ISM1: variants seen among roughly 807,000 people sequenced by gnomAD.
The protein encoded by ISM1 is isthmin-1.
Under a neutral mutation model 46.3 loss-of-function variants are expected in ISM1, and 25 were observed. The observed-to-expected ratio is 0.54, with a 90% CI of 0.39 to 0.75. The LOEUF is 0.75. Ranked by LOEUF, ISM1 falls within the 30% of genes least tolerant of loss-of-function variation. ISM1 has a pLI of 0.00. For synonymous variants in ISM1, 255 were observed against 256.7 expected (o/e 0.99, Z 0.06); for missense variants, 536 against 625.4 (o/e 0.86, Z 1.52).
chr20:13,248,770 C>A (rs1200208526), intron 1 of ISM1, among the ~76,000 whole-genome samples: 1 of 152,194 alleles, frequency 6.6e-6, no homozygotes, highest in Non-Finnish European at 1.5e-5. Flanking sequence ...CAGATGTTTC[C>A]CTGTTCTGCA....
intron 3 of ISM1, among the ~76,000 whole-genome samples, chr20:13,287,743 G>T (rs778197795): frequency 1.3e-5 from 2 of 152,196 alleles, no homozygotes; most frequent in Non-Finnish European, 2.9e-5. Flanking sequence ...TTCACTGGAT[G>T]GATGTTGAAT....
intron 1 of ISM1, among the ~76,000 whole-genome samples, chr20:13,258,518 C>T (rs1380314527): frequency 6.6e-6 from 1 of 152,184 alleles, no homozygotes; most frequent in Non-Finnish European, 1.5e-5. Context: ...CAGACTCAAA[C>T]TGATACATCC....
chr20:13,318,136 A>AAAAATAAATAAATAAATAAAT, the ISM1 span, among the ~76,000 whole-genome samples: 1 of 145,038 alleles, frequency 6.9e-6, no homozygotes, highest in African/African-American at 2.5e-5. Context: ...GACACTTGAA[A>AAAAATAAATAAATAAATAAAT]AAATAAATAA....
chr20:13,224,234 T>C (rs2039487229), intron 1 of ISM1, among the ~76,000 whole-genome samples: 1 of 152,192 alleles, frequency 6.6e-6, no homozygotes, highest in African/African-American at 2.4e-5. Flanking sequence ...GTTCATAATT[T>C]TGCTGTTTTG....
intron 1 of ISM1, among the ~76,000 whole-genome samples, chr20:13,268,118 T>TCTCTTCTCTTCTCTC (rs1407716823): frequency 2.7e-5 from 3 of 110,052 alleles, no homozygotes; most frequent in African/African-American, 1.1e-4. Context: ...TCTCCTGTCT[T>TCTCTTCTCTTCTCTC]CTCTTCTCTT....
intron 1 of ISM1, among the ~76,000 whole-genome samples, chr20:13,224,768 T>C (rs1313411132): frequency 1.3e-5 from 2 of 151,962 alleles, no homozygotes; most frequent in African/African-American, 2.4e-5. Flanking sequence ...GCAACAATAA[T>C]AGTTAAGATT....
At position 13,221,878 on chromosome 20, in the gene ISM1, C is replaced by G. The variant is rs1348061075; in HGVS notation, c.102C>G (p.Asp34Glu). The part of the protein sequence containing the change: ...LRGSGAADGP[D>E]AAAGNASQAQ... ...GCTCGGGAGCCGCCGACGGGCCCGA[C>G]GCGGCCGCGGGCAACGCCAGCCAAG... Residue 34 changes from aspartate (D) to glutamate (E), a missense_variant, in exon 1 of 6, where the codon GAC (aspartate) becomes GAG (glutamate). Asp to Glu is a conservative substitution (Grantham distance 45, BLOSUM62 2). This residue lies in a region of ISM1 where 367 missense variants were observed against 376.1 expected (regional missense o/e 0.98). Coordinates refer to ENST00000262487, the MANE Select transcript of ISM1 (RefSeq NM_080826.2). 5.7e-6 allele frequency: 8 copies of G among 1,410,192 alleles called. No individual in the cohort carries two copies. The highest frequency in any genetic ancestry group is 1.5e-5 in the African/African-American group (1 of 66,724). 87.4% of individuals were successfully genotyped at this position (1,410,192 alleles called of 1,614,324 possible). A position where few individuals can be genotyped will look rare whatever the true frequency, so the allele number is the denominator to read the frequency against.
chr20:13,279,963 T>C, intron 3 of ISM1, 65 bp downstream of exon 3: 2 of 1,482,300 alleles, frequency 1.3e-6, no homozygotes. Context: ...GCCTTGGACA[T>C]GGAGCCAAGC....
At chr20:13,280,727 G>A (rs1282453780) in intron 3 of ISM1, among the ~76,000 whole-genome samples, 1 of 152,204 alleles carries the variant, frequency 6.6e-6, no homozygotes, top group Non-Finnish European at 1.5e-5. Context: ...CAGATCTACT[G>A]AAATTCTGTT....
chr20:13,312,614 C>T, the ISM1 span, among the ~76,000 whole-genome samples: 1 of 152,314 alleles, frequency 6.6e-6, no homozygotes, highest in South Asian at 2.1e-4. Context: ...ACCTTCCACT[C>T]TCTCCTGCTC....
the ISM1 span, among the ~76,000 whole-genome samples, chr20:13,310,287 C>T: frequency 1.3e-5 from 2 of 152,158 alleles, no homozygotes; most frequent in Non-Finnish European, 2.9e-5. Context: ...TTGTGGTCAA[C>T]TGATCTTTGA....
chr20:13,263,700 GGAAGGCGCACAGCCATGT>G lies in ISM1; in HGVS notation c.139-6802_139-6785del, dbSNP rs2040013650. Among the ~76,000 whole-genome samples the G allele has an allele frequency of 2.0e-5, 3 of 152,328 alleles. No individual in the cohort carries two copies. In the South Asian group the frequency reaches 6.2e-4, roughly 32 times the overall value. ...AGAAGAAAATGGAGTGTTTGAATGT[GGAAGGCGCACAGCCATGT>G]GCCTGGGTGCAGTATGGCTTCCTTT... On this transcript the variant is annotated intron_variant, in intron 1 of 5. Coordinates refer to ENST00000262487, the MANE Select transcript of ISM1 (RefSeq NM_080826.2).
At chr20:13,258,404 A>G (rs1412652837) in intron 1 of ISM1, among the ~76,000 whole-genome samples, 1 of 152,044 alleles carries the variant, frequency 6.6e-6, no homozygotes. Flanking sequence ...TGGATACTAG[A>G]GCATCCTTGG....
intron 5 of ISM1, among the ~76,000 whole-genome samples, chr20:13,297,970 C>G (rs2040422701): frequency 1.3e-5 from 2 of 152,202 alleles, no homozygotes; most frequent in South Asian, 4.2e-4. Context: ...GGTTACATGC[C>G]TAAGGTTAAG....
chr20:13,295,949 C>T (rs535843804), intron 5 of ISM1, among the ~76,000 whole-genome samples: 29 of 152,372 alleles, frequency 1.9e-4, no homozygotes, highest in South Asian at 8.3e-4. Flanking sequence ...GGCTGTCACA[C>T]GGCCCTGACA....
Position 13,266,426 on chromosome 20 carries a change from G to A in ISM1, c.139-4078G>A, listed in dbSNP as rs186904590. Among the ~76,000 whole-genome samples the A allele has an allele frequency of 2.5e-3, 379 of 152,264 alleles. 3 individuals carry two copies. Among genetic ancestry groups the A allele is most frequent in the South Asian group, 6.6e-3 (32 of 4,816 alleles). ...ATGGAAGAGTTCATGTGCATAAGCC[G>A]TTTAATAGCTGCATTTCTTCTGTTT... On this transcript the variant is annotated intron_variant, in intron 1 of 5. Coordinates refer to ENST00000262487, the MANE Select transcript of ISM1 (RefSeq NM_080826.2).
chr20:13,231,599 G>A (rs957220529), intron 1 of ISM1, among the ~76,000 whole-genome samples: 4 of 152,174 alleles, frequency 2.6e-5, no homozygotes, highest in Non-Finnish European at 4.4e-5. Flanking sequence ...TTTGTAAACC[G>A]AGTAGAAGTA....
chr20:13,248,656 A>C (rs541602181), intron 1 of ISM1, among the ~76,000 whole-genome samples: 1 of 152,102 alleles, frequency 6.6e-6, no homozygotes, highest in Non-Finnish European at 1.5e-5. Context: ...CTTTCAGTTC[A>C]CTTCTTTTCG....
intron 1 of ISM1, among the ~76,000 whole-genome samples, chr20:13,235,038 G>A (rs2039632309): frequency 1.3e-5 from 2 of 152,164 alleles, no homozygotes; most frequent in South Asian, 4.1e-4. Context: ...TACAGGTCCT[G>A]TGTTATCCAG....
Sources: allele counts gnomAD v4.1 joint callset (sites outside exome capture counted in the v4.1 genomes callset), GRCh38; gene constraint gnomAD v4.1.1; regional missense constraint gnomAD v4.1.1; transcripts MANE v1.5; gene names NCBI Gene and HGNC (gene_info 2026-07-23, HGNC 2026-07-21).